ERLN: variants seen among roughly 807,000 people sequenced by gnomAD.
The protein encoded by ERLN is endoregulin.
chr17:75,647,479 G>A, the ERLN span: 2 of 1,550,350 alleles, frequency 1.3e-6, no homozygotes, highest in Non-Finnish European at 8.7e-7. Context: ...CATCACCGCT[G>A]TCCTGCTTCT....
At chr17:75,647,708 A>G in the ERLN span, 2 of 777,348 alleles carry the variant, frequency 2.6e-6, no homozygotes, top group Non-Finnish European at 4.2e-6. Context: ...AGTCTAGTAA[A>G]ATACTGTATC....
chr17:75,646,259 C>G, the ERLN span: 1 of 152,456 alleles, frequency 6.6e-6, no homozygotes, highest in African/African-American at 2.4e-5. Context: ...TCATTCACCC[C>G]ACAACACAGG....
At chr17:75,647,716 A>C in the ERLN span, 1 of 747,538 alleles carries the variant, frequency 1.3e-6, no homozygotes, top group Non-Finnish European at 2.2e-6. Flanking sequence ...AAAATACTGT[A>C]TCTGGCTTAG....
the ERLN span, chr17:75,647,335 C>T: frequency 2.0e-6 from 3 of 1,505,272 alleles, no homozygotes; most frequent in Admixed American, 4.1e-5. Context: ...CCTGGGAGGG[C>T]TGCCTGCACT....
the ERLN span, chr17:75,647,916 C>T: frequency 4.4e-6 from 1 of 225,722 alleles, no homozygotes; most frequent in Non-Finnish European, 9.4e-6. Flanking sequence ...AGCAATTTCA[C>T]AAATCCTTGA....
At chr17:75,647,524 T>C in the ERLN span, 2 of 1,550,344 alleles carry the variant, frequency 1.3e-6, no homozygotes, top group Non-Finnish European at 1.7e-6. Flanking sequence ...TTTACTCACT[T>C]CCACAGAAAA....
At chr17:75,647,008 T>C in the ERLN span, among the ~76,000 whole-genome samples, 1 of 152,164 alleles carries the variant, frequency 6.6e-6, no homozygotes, top group Non-Finnish European at 1.5e-5. Context: ...ACAGGGAGAC[T>C]CTATCATGAT....
the ERLN span, chr17:75,647,757 G>A: frequency 1.5e-5 from 9 of 596,504 alleles, no homozygotes; most frequent in Admixed American, 2.6e-4. Context: ...TGGGGAGGCT[G>A]GTCTGAGACC....
At chr17:75,647,860 G>A in the ERLN span, 1 of 317,342 alleles carries the variant, frequency 3.2e-6, no homozygotes, top group African/African-American at 2.2e-5. Context: ...TCAGGTGGAA[G>A]GAGCTATGGC....
chr17:75,647,748 G>T, the ERLN span: 1 of 618,710 alleles, frequency 1.6e-6, no homozygotes, highest in African/African-American at 1.9e-5. Context: ...CTAGTAAGAT[G>T]GGGAGGCTGG....
At chr17:75,647,176 G>C in the ERLN span, among the ~76,000 whole-genome samples, 69 of 152,312 alleles carry the variant, frequency 4.5e-4, no homozygotes, top group African/African-American at 1.5e-3. Flanking sequence ...TATCTAGAGC[G>C]GGGGAAATGC....
chr17:75,647,352 C>G, the ERLN span: 2 of 1,535,176 alleles, frequency 1.3e-6, no homozygotes, highest in Non-Finnish European at 8.8e-7. Context: ...CACTCAGGTC[C>G]TCTGTCCCTC....
At chr17:75,647,776 C>A in the ERLN span, 1 of 555,670 alleles carries the variant, frequency 1.8e-6, no homozygotes, top group South Asian at 2.5e-5. Context: ...CCAATTCTGG[C>A]TCCTTGACCC....
At chr17:75,647,634 C>T in the ERLN span, 1 of 1,472,346 alleles carries the variant, frequency 6.8e-7, no homozygotes, top group Non-Finnish European at 9.2e-7. Context: ...CAGTGGTGGG[C>T]CCCTTCGCGG....
At chr17:75,647,764 G>A in the ERLN span, 2 of 587,392 alleles carry the variant, frequency 3.4e-6, no homozygotes, top group Admixed American at 3.2e-5. Flanking sequence ...GCTGGTCTGA[G>A]ACCAATTCTG....
At chr17:75,647,645 T>A in the ERLN span, 1 of 1,399,666 alleles carries the variant, frequency 7.1e-7, no homozygotes, top group Non-Finnish European at 9.8e-7. Flanking sequence ...CCCTTCGCGG[T>A]TCCCTCTGGC....
At chr17:75,647,312 A>ACCTGGGACAGGG in the ERLN span, 1 of 1,434,948 alleles carries the variant, frequency 7.0e-7, no homozygotes, top group Middle Eastern at 2.5e-4. Context: ...AGAGCATAGC[A>ACCTGGGACAGGG]CCTGGGACAG....
the ERLN span, chr17:75,647,636 C>G: frequency 6.9e-7 from 1 of 1,454,422 alleles, no homozygotes. Flanking sequence ...GTGGTGGGCC[C>G]CTTCGCGGTT....
At chr17:75,647,242 C>T in the ERLN span, 1 of 722,324 alleles carries the variant, frequency 1.4e-6, no homozygotes, top group East Asian at 2.7e-5. Context: ...TTCATGTCCC[C>T]TGGCTGCCAG....
Sources: gnomAD v4.1 joint callset for allele counts (sites outside exome capture counted in the v4.1 genomes callset) on GRCh38, gnomAD v4.1.1 for gene constraint, MANE v1.5 for transcripts, NCBI Gene and HGNC (gene_info 2026-07-23, HGNC 2026-07-21) for gene names.